KCNS3: variants seen among roughly 807,000 people sequenced by gnomAD.
The protein encoded by KCNS3 is delayed-rectifier potassium channel regulatory subunit KCNS3.
In KCNS3, 13 loss-of-function variants were observed where a neutral mutation model predicts 31.0. The ratio of observed to expected loss-of-function variants is 0.42; its 90% CI spans 0.27 to 0.67. The LOEUF is 0.67. Among genes scored for constraint, KCNS3 ranks in the 30% least tolerant of loss-of-function variants. KCNS3 has a pLI of 0.25. For missense variants in KCNS3, 545 were observed against 622.4 expected, an observed-to-expected ratio of 0.88 and a Z score of 1.32; for synonymous variants, 238 against 241.5, an observed-to-expected ratio of 0.99 and a Z score of 0.13.
chr2:17,930,445 A>G (rs1351834443), intron 2 of KCNS3, among the ~76,000 whole-genome samples: 1 of 152,168 alleles, frequency 6.6e-6, no homozygotes, highest in Admixed American at 6.5e-5. Flanking sequence ...CCTTTGTAAG[A>G]GCTGAGCTGA....
At chr2:17,886,674 ATCCGTCCG>A (rs1192936668) in intron 1 of KCNS3, among the ~76,000 whole-genome samples, 3 of 137,078 alleles carry the variant, frequency 2.2e-5, no homozygotes, top group African/African-American at 8.5e-5. Flanking sequence ...GTCCCCATCC[ATCCGTCCG>A]TCCATCCATC....
intron 1 of KCNS3, among the ~76,000 whole-genome samples, chr2:17,914,597 T>A: frequency 6.6e-6 from 1 of 152,210 alleles, no homozygotes; most frequent in East Asian, 1.9e-4. Context: ...AATTTACTCT[T>A]TAGTCTTGTT....
At chr2:17,923,495 A>AT (rs1299438606) in intron 2 of KCNS3, among the ~76,000 whole-genome samples, 2 of 151,848 alleles carry the variant, frequency 1.3e-5, no homozygotes, top group Non-Finnish European at 2.9e-5. Flanking sequence ...CAATTTAACT[A>AT]TTTTTTCTTT....
chr2:17,930,712 T>C (rs554328980), intron 2 of KCNS3, among the ~76,000 whole-genome samples: 1 of 152,348 alleles, frequency 6.6e-6, no homozygotes, highest in East Asian at 1.9e-4. Context: ...ATACAAATTA[T>C]ATTGCCATCT....
intron 1 of KCNS3, among the ~76,000 whole-genome samples, chr2:17,909,535 G>A (rs1169928162): frequency 5.9e-5 from 9 of 152,244 alleles, no homozygotes; most frequent in Non-Finnish European, 1.2e-4. Flanking sequence ...GAAATCACTC[G>A]TCTTCTGCGT....
chr2:17,880,059 C>G (rs1238318801), intron 1 of KCNS3, among the ~76,000 whole-genome samples: 1 of 152,192 alleles, frequency 6.6e-6, no homozygotes, highest in Non-Finnish European at 1.5e-5. Context: ...AAGCGATTTG[C>G]GTAACCATTC....
intron 1 of KCNS3, among the ~76,000 whole-genome samples, chr2:17,896,595 T>A (rs1431889676): frequency 6.6e-6 from 1 of 152,114 alleles, no homozygotes; most frequent in Non-Finnish European, 1.5e-5. Context: ...TGGCCACATG[T>A]CTGTTTCATC....
At chr2:17,881,232 G>A (rs1178340889) in intron 1 of KCNS3, among the ~76,000 whole-genome samples, 2 of 151,952 alleles carry the variant, frequency 1.3e-5, no homozygotes, top group African/African-American at 2.4e-5. Flanking sequence ...GAGGAAGGAC[G>A]ACTCTGCAGG....
At chr2:17,884,725 A>G (rs1435063851) in intron 1 of KCNS3, among the ~76,000 whole-genome samples, 1 of 152,166 alleles carries the variant, frequency 6.6e-6, no homozygotes, top group Admixed American at 6.6e-5. Flanking sequence ...GCTCGTTGGT[A>G]AATTAACAGA....
chr2:17,930,925 T>C (rs1662945494), intron 2 of KCNS3, 25 bp from the exon 3 acceptor site: 2 of 1,490,754 alleles, frequency 1.3e-6, no homozygotes, highest in Non-Finnish European at 1.8e-6. Context: ...GACAGAGTGC[T>C]AATATCATCT....
rs143180859 is a variant in KCNS3 at position 17,905,945 on chromosome 2, G to C, written c.-251-11735G>C. Among the ~76,000 whole-genome samples the C allele has an allele frequency of 1.8e-4, 27 of 152,282 alleles. No individual in the cohort carries two copies. In the East Asian group the frequency reaches 4.4e-3, roughly 25 times the overall value. ...CTCTTTTTTTGTTGTGTCTCTGCCA[G>C]GCTTTGGTATCATGATGATGCTGGC... On this transcript the variant is annotated intron_variant, in intron 1 of 2. Coordinates refer to ENST00000304101, the MANE Select transcript of KCNS3 (RefSeq NM_002252.5).
intron 1 of KCNS3, among the ~76,000 whole-genome samples, chr2:17,882,598 A>G (rs1167499731): frequency 6.6e-6 from 1 of 152,110 alleles, no homozygotes; most frequent in East Asian, 1.9e-4. Context: ...GGTCTTGACT[A>G]CTGTGGGTGC....
intron 1 of KCNS3, among the ~76,000 whole-genome samples, chr2:17,910,009 C>T (rs1662433805): frequency 6.6e-6 from 1 of 152,180 alleles, no homozygotes; most frequent in South Asian, 2.1e-4. Context: ...TTGCCATGAA[C>T]CCCTTTGGGA....
chr2:17,931,682 TG>T lies in KCNS3; in HGVS notation c.676del (p.Glu226ArgfsTer30), dbSNP rs1457526087. On this transcript the variant is annotated frameshift_variant, in exon 3 of 3. Coordinates refer to ENST00000304101, the MANE Select transcript of KCNS3 (RefSeq NM_002252.5). LOFTEE classifies it high-confidence loss of function. This position sits in a 1 kb window ranked among gnomAD's most constrained non-coding sequence, Gnocchi z 5.4. ...GEVDDPVLEG[V>X]EIACIAWFTG... The stretch of plus-strand genomic sequence containing the variant: ...GTGGATGATCCGGTGCTGGAAGGAG[TG>T]GAGATCGCGTGCATTGCCTGGTTCA... The T allele has an allele frequency of 1.2e-6, 2 of 1,613,380 alleles. No individual in the cohort carries two copies. Among genetic ancestry groups the T allele is most frequent in the South Asian group, 2.2e-5 (2 of 91,016 alleles).
chr2:17,908,595 C>T (rs946058464), intron 1 of KCNS3, among the ~76,000 whole-genome samples: 14 of 152,164 alleles, frequency 9.2e-5, no homozygotes, highest in Non-Finnish European at 1.5e-4. Context: ...GTGGTTTTAT[C>T]TACCTTTGGT....
At chr2:17,903,940 C>T (rs1362406265) in intron 1 of KCNS3, among the ~76,000 whole-genome samples, 1 of 152,126 alleles carries the variant, frequency 6.6e-6, no homozygotes, top group African/African-American at 2.4e-5. Context: ...GCCTTTATAG[C>T]AGCATGATTT....
intron 1 of KCNS3, among the ~76,000 whole-genome samples, chr2:17,912,221 C>T (rs1662487001): frequency 6.6e-6 from 1 of 152,244 alleles, no homozygotes; most frequent in Non-Finnish European, 1.5e-5. Flanking sequence ...TTGTGATACA[C>T]ATTGCTATGA....
chr2:17,932,066 G>A lies in KCNS3; in HGVS notation c.1058G>A (p.Ser353Asn). The A allele has an allele frequency of 6.2e-7, 1 of 1,614,042 alleles. No homozygotes were observed. Among genetic ancestry groups the A allele is most frequent in the Middle Eastern group, 1.6e-4 (1 of 6,062 alleles). The change falls in exon 3 of 3, where the codon AGC becomes AAC. Residue 353 changes from serine (S) to asparagine (N), a missense_variant. Ser to Asn is a conservative substitution (Grantham distance 46). Transcript: ENST00000304101. ...YSVEKDDHTS[S>N]LTSIPICWWW... ...GTGGAGAAAGATGACCACACATCCAGCCTCACCAGCATCCCCATCTGCTGG... is the reference window on the plus strand; with the variant it reads ...GTGGAGAAAGATGACCACACATCCAACCTCACCAGCATCCCCATCTGCTGG...
intron 1 of KCNS3, among the ~76,000 whole-genome samples, chr2:17,891,807 T>C (rs1391072206): frequency 6.6e-6 from 1 of 152,224 alleles, no homozygotes; most frequent in African/African-American, 2.4e-5. Context: ...GTTAATCTGA[T>C]AGATTTTCTT....
Sources: gnomAD v4.1 joint callset for allele counts (sites outside exome capture counted in the v4.1 genomes callset) on GRCh38, gnomAD v4.1.1 for gene constraint, Gnocchi (gnomAD v3.1) non-coding constraint, MANE v1.5 for transcripts, NCBI Gene and HGNC (gene_info 2026-07-23, HGNC 2026-07-21) for gene names.